SAMD5: variants seen among roughly 807,000 people sequenced by gnomAD.
SAMD5 encodes sterile alpha motif domain containing 5, also known as sterile alpha motif domain-containing protein 5.
Under a neutral mutation model 11.3 loss-of-function variants are expected in SAMD5, and 13 were observed. The observed-to-expected ratio is 1.15, with a 90% CI of 0.75 to 1.83. SAMD5 has a LOEUF of 1.83. Among genes scored for constraint, SAMD5 ranks in the 40% most tolerant of loss-of-function variants. The pLI, the probability that SAMD5 is intolerant of heterozygous loss-of-function variation, is 0.00. For missense variants in SAMD5, 255 were observed against 239.1 expected, an observed-to-expected ratio of 1.07 and a Z score of -0.44; for synonymous variants, 129 against 111.3, an observed-to-expected ratio of 1.16 and a Z score of -1.00.
chr6:147,740,452 A>C (rs1791863905), downstream of SAMD5, among the ~76,000 whole-genome samples: 1 of 152,214 alleles, frequency 6.6e-6, no homozygotes, highest in African/African-American at 2.4e-5. Flanking sequence ...AAATTTCACC[A>C]CAAGTTACTT....
the SAMD5 span, among the ~76,000 whole-genome samples, chr6:147,838,834 C>T: frequency 2.0e-5 from 3 of 152,194 alleles, no homozygotes; most frequent in East Asian, 3.9e-4. Flanking sequence ...CACATATCAT[C>T]GGTAAGGGCC....
intron 1 of SAMD5, among the ~76,000 whole-genome samples, chr6:147,727,177 C>T (rs976050457): frequency 3.9e-5 from 6 of 152,196 alleles, no homozygotes; most frequent in African/African-American, 1.4e-4. Flanking sequence ...TGTGTTCCAA[C>T]CACAGGGAAT....
chr6:147,763,809 C>T, the SAMD5 span, among the ~76,000 whole-genome samples: 1 of 152,072 alleles, frequency 6.6e-6, no homozygotes, highest in Non-Finnish European at 1.5e-5. Context: ...GTCTCGATCT[C>T]CTGACCTCGT....
At chr6:147,948,597 A>G in the SAMD5 span, among the ~76,000 whole-genome samples, 1 of 152,112 alleles carries the variant, frequency 6.6e-6, no homozygotes, top group Non-Finnish European at 1.5e-5. Context: ...ATCCCCCAAA[A>G]TTTTGCCATT....
intron 1 of SAMD5, among the ~76,000 whole-genome samples, chr6:147,583,818 A>AAC (rs3032052): frequency 0.092 from 13,787 of 149,336 alleles, 822 homozygotes; most frequent in East Asian, 0.29. Flanking sequence ...GGAATTTTCA[A>AAC]ACACACACAC....
At chr6:147,877,027 T>A in the SAMD5 span, among the ~76,000 whole-genome samples, 2 of 152,220 alleles carry the variant, frequency 1.3e-5, no homozygotes, top group Non-Finnish European at 2.9e-5. Flanking sequence ...GACCCATCAT[T>A]TAACAGCAGG....
At chr6:147,529,566 T>C (rs1026813937) in intron 1 of SAMD5, among the ~76,000 whole-genome samples, 11 of 152,332 alleles carry the variant, frequency 7.2e-5, no homozygotes, top group African/African-American at 2.4e-4. Flanking sequence ...ATTGTTTCAT[T>C]ACAGACAACC....
the SAMD5 span, among the ~76,000 whole-genome samples, chr6:147,774,069 T>C: frequency 1.3e-5 from 2 of 152,136 alleles, no homozygotes; most frequent in African/African-American, 4.8e-5. Context: ...CTCAAACTCC[T>C]GGGCTCAAGG....
chr6:147,762,599 A>G, the SAMD5 span, among the ~76,000 whole-genome samples: 49 of 152,348 alleles, frequency 3.2e-4, no homozygotes, highest in African/African-American at 1.2e-3. Context: ...AAACTTACAA[A>G]TCTATAAACT....
the SAMD5 span, among the ~76,000 whole-genome samples, chr6:147,905,810 C>T: frequency 6.6e-6 from 1 of 152,076 alleles, no homozygotes; most frequent in African/African-American, 2.4e-5. Flanking sequence ...TATAAATTTC[C>T]AGTATGCTCA....
At chr6:147,744,704 C>T in the SAMD5 span, among the ~76,000 whole-genome samples, 1 of 152,076 alleles carries the variant, frequency 6.6e-6, no homozygotes, top group East Asian at 1.9e-4. Context: ...TTGAGACCAG[C>T]CTGGCCAACA....
At chr6:147,932,616 G>A in the SAMD5 span, among the ~76,000 whole-genome samples, 14 of 151,026 alleles carry the variant, frequency 9.3e-5, no homozygotes, top group South Asian at 1.5e-3. Context: ...GTGTGTGTGT[G>A]TGTGTGTGTG....
the SAMD5 span, among the ~76,000 whole-genome samples, chr6:147,797,794 T>C: frequency 2.7e-5 from 4 of 147,850 alleles, no homozygotes; most frequent in Non-Finnish European, 4.5e-5. Flanking sequence ...GGTTTAGTCT[T>C]GGGAGAGTGT....
chr6:147,685,834 A>C (rs1791002772), intron 1 of SAMD5, among the ~76,000 whole-genome samples: 1 of 152,222 alleles, frequency 6.6e-6, no homozygotes, highest in African/African-American at 2.4e-5. Flanking sequence ...GCATGCACTA[A>C]ATAAAAGACA....
At chr6:147,747,769 G>A in the SAMD5 span, among the ~76,000 whole-genome samples, 1 of 152,138 alleles carries the variant, frequency 6.6e-6, no homozygotes, top group Non-Finnish European at 1.5e-5. Flanking sequence ...GCCATTTGAA[G>A]GTAGAAACTC....
chr6:147,597,386 A>G (rs150961885), intron 1 of SAMD5, among the ~76,000 whole-genome samples: 1 of 152,158 alleles, frequency 6.6e-6, no homozygotes, highest in African/African-American at 2.4e-5. Context: ...AAAGGAGACT[A>G]TTTATTAAAA....
chr6:147,854,756 A>G, the SAMD5 span, among the ~76,000 whole-genome samples: 5 of 152,228 alleles, frequency 3.3e-5, no homozygotes, highest in Non-Finnish European at 5.9e-5. Flanking sequence ...AAGAAGCAGA[A>G]AAGAATTAAA....
At chr6:147,581,993 G>A (rs1447062878) in intron 1 of SAMD5, among the ~76,000 whole-genome samples, 3 of 152,158 alleles carry the variant, frequency 2.0e-5, no homozygotes, top group Admixed American at 6.5e-5. Context: ...AAGGGAGGAG[G>A]TTGGGGTCTA....
chr6:147,540,544 G>A (rs1788583300), intron 1 of SAMD5, among the ~76,000 whole-genome samples: 1 of 152,314 alleles, frequency 6.6e-6, no homozygotes, highest in South Asian at 2.1e-4. Flanking sequence ...TCAGAGACCT[G>A]TAGCAAAGTT....
Sources: allele counts gnomAD v4.1 joint callset (sites outside exome capture counted in the v4.1 genomes callset), GRCh38; gene constraint gnomAD v4.1.1; transcripts MANE v1.5; gene names NCBI Gene and HGNC (gene_info 2026-07-23, HGNC 2026-07-21).